The following BACH2 variants were observed in gnomAD, a reference collection of about 807,000 sequenced individuals.
BACH2 encodes BACH transcriptional regulator 2.
BACH2 carries 5 observed loss-of-function variants against 61.8 expected under a neutral mutation model. The observed-to-expected ratio is 0.08, with a 90% CI of 0.04 to 0.17. The LOEUF (loss-of-function observed/expected upper bound fraction) is 0.17. Among genes scored for constraint, BACH2 ranks in the 10% least tolerant of loss-of-function variants. The pLI is 1.00. For missense variants in BACH2, 824 were observed against 1,091.1 expected (o/e 0.76, Z 3.45); for synonymous variants, 446 against 440.1 (o/e 1.01, Z -0.17).
At chr6:89,975,916 G>C (rs912689982) in intron 6 of BACH2, among the ~76,000 whole-genome samples, 2 of 152,148 alleles carry the variant, frequency 1.3e-5, no homozygotes, top group Non-Finnish European at 2.9e-5. Context: ...ATGTGTTTCA[G>C]GAGAAAAACA....
At chr6:90,180,485 T>C (rs1316651079) in intron 4 of BACH2, among the ~76,000 whole-genome samples, 2 of 152,170 alleles carry the variant, frequency 1.3e-5, no homozygotes, top group African/African-American at 4.8e-5. Context: ...ACCCAAGTAG[T>C]GTACACTGTA....
chr6:90,059,368 G>GA (rs1315591872), intron 5 of BACH2, among the ~76,000 whole-genome samples: 2 of 152,146 alleles, frequency 1.3e-5, no homozygotes, highest in Non-Finnish European at 2.9e-5. Flanking sequence ...AAAGACACAC[G>GA]AAAAAATGCT....
intron 5 of BACH2, among the ~76,000 whole-genome samples, chr6:90,019,288 T>C (rs953009317): frequency 2.6e-5 from 4 of 152,170 alleles, no homozygotes; most frequent in East Asian, 1.9e-4. Context: ...TACACCAAGA[T>C]AGAAGCTTGT....
intron 5 of BACH2, among the ~76,000 whole-genome samples, chr6:90,028,287 T>C (rs369601799): frequency 6.6e-6 from 1 of 152,252 alleles, no homozygotes; most frequent in South Asian, 2.1e-4. Flanking sequence ...AGCCCTGATA[T>C]AGTTCACTCT....
Position 90,283,956 on chromosome 6 carries a change from G to A in BACH2, c.-445-12015C>T, listed in dbSNP as rs1017230513. The stretch of plus-strand genomic sequence containing the variant: ...TGGGAGGTGGAGGGTGCAGTGGGCC[G>A]AGATCGCACCACTGCACTCCAGCTT... On this transcript the variant is annotated intron_variant, in intron 1 of 8. Coordinates refer to ENST00000257749, the MANE Select transcript of BACH2 (RefSeq NM_021813.4). 1.3e-4 allele frequency among the ~76,000 whole-genome samples: 20 copies of A among 151,772 alleles called. 1 individual carries two copies. The highest frequency in any genetic ancestry group is 1.0e-3 in the South Asian group (5 of 4,788).
Position 90,175,694 on chromosome 6 carries a change from T to C in BACH2, c.-162+30875A>G, listed in dbSNP as rs191163742. On this transcript the variant is annotated intron_variant, in intron 4 of 8. Transcript: ENST00000257749. ...TGTATTTTACATATTTTGTATTTTCTGCATATTAGATGTTTTGACATCTTA... is the reference window on the plus strand; with the variant it reads ...TGTATTTTACATATTTTGTATTTTCCGCATATTAGATGTTTTGACATCTTA... Among the ~76,000 whole-genome samples, 63 of 152,276 alleles carry C rather than the reference T, an allele frequency of 4.1e-4. No individual in the cohort carries two copies. The East Asian group carries it at 0.012, about 28-fold the overall frequency.
intron 4 of BACH2, among the ~76,000 whole-genome samples, chr6:90,128,507 G>C (rs956467040): frequency 6.6e-6 from 1 of 152,154 alleles, no homozygotes; most frequent in Admixed American, 6.6e-5. Flanking sequence ...CTTGAACCTG[G>C]GGGGCGGAGG....
Position 90,289,759 on chromosome 6 carries a change from G to C in BACH2, c.-446+6721C>G, listed in dbSNP as rs147550780. 5.4e-3 allele frequency among the ~76,000 whole-genome samples: 818 copies of C among 152,304 alleles called. 6 individuals carry two copies. The highest frequency in any genetic ancestry group is 0.019 in the African/African-American group (780 of 41,570). On this transcript the variant is annotated intron_variant, in intron 1 of 8. Coordinates refer to ENST00000257749, the MANE Select transcript of BACH2 (RefSeq NM_021813.4). ...TGCTGGCCATGGGTTGGACAAGCTT[G>C]GAATAATCTTCGGGCCACAGAGGAT...
rs556781951 is a variant in BACH2, at chr6:90,296,793, C to CGCT, written c.-762_-760dup. 0.01 allele frequency: 1,806 copies of CGCT among 173,924 alleles called. 31 individuals are homozygous for CGCT. The highest frequency in any genetic ancestry group is 0.037 in the African/African-American group (1,527 of 41,664). The allele number at this position is 173,924 out of a possible 1,614,324, so 10.8% of individuals were successfully genotyped here. On this transcript the variant is annotated 5_prime_UTR_variant, in exon 1 of 9. Coordinates refer to ENST00000257749, the MANE Select transcript of BACH2 (RefSeq NM_021813.4). ...CCCGGGCGTGCACGGCCGCTGCTGC[C>CGCT]GCTGCTGCTGCTGCTGCTGCTGCTG... is the stretch of plus-strand genomic sequence containing the variant.
At chr6:90,127,442 G>A (rs892087064) in intron 4 of BACH2, among the ~76,000 whole-genome samples, 21 of 152,218 alleles carry the variant, frequency 1.4e-4, no homozygotes, top group African/African-American at 5.1e-4. Context: ...AGGGTGGGAA[G>A]TGGGGTAGAG....
intron 5 of BACH2, among the ~76,000 whole-genome samples, chr6:90,086,514 C>T (rs1781938719): frequency 6.6e-6 from 1 of 152,060 alleles, no homozygotes; most frequent in African/African-American, 2.4e-5. Flanking sequence ...TCCCACATGC[C>T]CCCTGTCGCC....
chr6:90,114,790 C>T (rs1317423141), intron 4 of BACH2, among the ~76,000 whole-genome samples: 1 of 152,142 alleles, frequency 6.6e-6, no homozygotes, highest in Admixed American at 6.5e-5. Context: ...CCAAAAGCTC[C>T]TTCAGCTCAT....
At chr6:90,205,454 A>G (rs1435173356) in intron 4 of BACH2, among the ~76,000 whole-genome samples, 1 of 152,170 alleles carries the variant, frequency 6.6e-6, no homozygotes, top group Non-Finnish European at 1.5e-5. Context: ...CGTATGGGAC[A>G]TTGGGCAATA....
rs185743415 is a variant in BACH2 at position 90,081,159 on chromosome 6, T to A, written c.-13+7802A>T. Among the ~76,000 whole-genome samples, 74 of 152,282 alleles carry A rather than the reference T, an allele frequency of 4.9e-4. No individual in the cohort carries two copies. The East Asian group carries it at 0.013, about 27-fold the overall frequency. ...TGTCAACTACAAAGCCAACAAACTT[T>A]TAGTGTGTTCTTGAATTTATATGAC... On this transcript the variant is annotated intron_variant, in intron 5 of 8. Transcript: ENST00000257749.
chr6:90,006,823 G>T (rs1288165633), intron 6 of BACH2, among the ~76,000 whole-genome samples: 2 of 151,942 alleles, frequency 1.3e-5, no homozygotes, highest in Non-Finnish European at 1.5e-5. Flanking sequence ...TCCCTATGTT[G>T]CCCAAGACAG....
At chr6:90,296,192 C>G (rs963555980) in intron 1 of BACH2, among the ~76,000 whole-genome samples, 2 of 151,998 alleles carry the variant, frequency 1.3e-5, no homozygotes, top group Non-Finnish European at 2.9e-5. Flanking sequence ...CACCCTTCGA[C>G]GCCAGCAAAA....
intron 5 of BACH2, among the ~76,000 whole-genome samples, chr6:90,033,905 G>C (rs1779136884): frequency 6.6e-6 from 1 of 152,134 alleles, no homozygotes. Context: ...TACCAAAAGA[G>C]ACACTAGGAA....
intron 5 of BACH2, among the ~76,000 whole-genome samples, chr6:90,056,102 A>G (rs2127796517): frequency 6.6e-6 from 1 of 152,328 alleles, no homozygotes; most frequent in African/African-American, 2.4e-5. Context: ...TAATGACAGG[A>G]TCAAATTCAC....
intron 5 of BACH2, among the ~76,000 whole-genome samples, chr6:90,032,656 G>A (rs1440813400): frequency 6.6e-6 from 1 of 152,072 alleles, no homozygotes; most frequent in Non-Finnish European, 1.5e-5. Context: ...ACCACAATGA[G>A]ATACCATCTC....
Sources: gnomAD v4.1 joint callset for allele counts (sites outside exome capture counted in the v4.1 genomes callset) on GRCh38, gnomAD v4.1.1 for gene constraint, MANE v1.5 for transcripts, NCBI Gene and HGNC (gene_info 2026-07-23, HGNC 2026-07-21) for gene names.